ACYP2: variants seen among roughly 807,000 people sequenced by gnomAD.
The protein encoded by ACYP2 is acylphosphatase 2, also known as acylphosphatase-2.
ACYP2 carries 12 observed loss-of-function variants against 11.2 expected under a neutral mutation model. That is an observed-to-expected ratio of 1.08 (90% CI 0.69 to 1.74). The LOEUF is 1.74. ACYP2 is among the 40% of genes most tolerant of loss of function. ACYP2 has a pLI of 0.00. For synonymous variants in ACYP2, 43 were observed against 32.2 expected (o/e 1.33, Z -1.13); for missense variants, 134 against 101.9 (o/e 1.31, Z -1.35).
At chr2:54,056,744 T>C (rs952675410) in intron 3 of ACYP2, among the ~76,000 whole-genome samples, 1 of 152,232 alleles carries the variant, frequency 6.6e-6, no homozygotes, top group African/African-American at 2.4e-5. Context: ...GTATGTCATC[T>C]GTATTTTATT....
At chr2:54,002,561 C>T (rs1022105818) in intron 2 of ACYP2, among the ~76,000 whole-genome samples, 6 of 151,848 alleles carry the variant, frequency 4.0e-5, no homozygotes, top group African/African-American at 1.5e-4. Context: ...CCATGTTGGC[C>T]AGGCTGGTCT....
At chr2:53,982,716 C>G (rs903144319) in intron 2 of ACYP2, among the ~76,000 whole-genome samples, 2 of 152,144 alleles carry the variant, frequency 1.3e-5, no homozygotes, top group African/African-American at 4.8e-5. Flanking sequence ...GAGTGATTGT[C>G]TTAGCATGAG....
chr2:54,101,498 G>A (rs567278369), intron 4 of ACYP2, among the ~76,000 whole-genome samples: 6 of 151,916 alleles, frequency 3.9e-5, no homozygotes, highest in African/African-American at 1.2e-4. Context: ...GTGAAACCCC[G>A]TCTCTACTAA....
chr2:54,295,100 C>T (rs1366823885), intron 6 of ACYP2, among the ~76,000 whole-genome samples: 1 of 152,116 alleles, frequency 6.6e-6, no homozygotes, highest in East Asian at 1.9e-4. Flanking sequence ...GCAGGATGGA[C>T]TTGGCCCTCC....
chr2:54,166,270 A>G (rs75227594), intron 6 of ACYP2, among the ~76,000 whole-genome samples: 1,900 of 152,294 alleles, frequency 0.012, 37 homozygotes, highest in African/African-American at 0.044. Context: ...GCAAGCATTT[A>G]TTCATTCCAC....
At chr2:54,144,629 A>G (rs1434219869) in intron 6 of ACYP2, among the ~76,000 whole-genome samples, 1 of 150,758 alleles carries the variant, frequency 6.6e-6, no homozygotes, top group Admixed American at 6.7e-5. Flanking sequence ...AGCCAAGATC[A>G]TGCCACTGCA....
chr2:54,122,140 C>T (rs1479101426), intron 4 of ACYP2, among the ~76,000 whole-genome samples: 2 of 152,170 alleles, frequency 1.3e-5, no homozygotes, highest in Non-Finnish European at 1.5e-5. Flanking sequence ...AGATCACTTC[C>T]TGCATTCAAA....
chr2:54,256,292 C>T, intron 6 of ACYP2: 1 of 852,868 alleles, frequency 1.2e-6, no homozygotes, highest in Non-Finnish European at 1.8e-6. Context: ...ACCCCTCAGT[C>T]TCGCGACACT....
intron 6 of ACYP2, among the ~76,000 whole-genome samples, chr2:54,239,925 G>T (rs1195227379): frequency 6.6e-6 from 1 of 152,066 alleles, no homozygotes; most frequent in Non-Finnish European, 1.5e-5. Flanking sequence ...ATTCTTCTGA[G>T]AAGTACTTTA....
intron 6 of ACYP2, among the ~76,000 whole-genome samples, chr2:54,156,544 G>T (rs558956645): frequency 1.4e-4 from 22 of 152,326 alleles, no homozygotes; most frequent in African/African-American, 4.3e-4. Context: ...TTAGTGTGCT[G>T]AGGATAATGG....
chr2:53,973,178 G>T (rs558879039), intron 1 of ACYP2, among the ~76,000 whole-genome samples: 2 of 152,308 alleles, frequency 1.3e-5, no homozygotes, highest in African/African-American at 4.8e-5. Flanking sequence ...GGGTTTATTG[G>T]ATAGTTTATT....
intron 2 of ACYP2, among the ~76,000 whole-genome samples, chr2:54,036,401 C>G (rs1674904673): frequency 6.6e-6 from 1 of 152,186 alleles, no homozygotes; most frequent in East Asian, 1.9e-4. Context: ...GCCCAAAGTC[C>G]CTTTTGCCAT....
chr2:54,273,177 A>G (rs904398005), intron 6 of ACYP2, among the ~76,000 whole-genome samples: 3 of 152,244 alleles, frequency 2.0e-5, no homozygotes, highest in Non-Finnish European at 2.9e-5. Context: ...TCCAAACCCA[A>G]TTTTGAACAA....
At chr2:54,146,127 A>G (rs1681869010) in intron 6 of ACYP2, among the ~76,000 whole-genome samples, 1 of 152,230 alleles carries the variant, frequency 6.6e-6, no homozygotes, top group Non-Finnish European at 1.5e-5. Context: ...ATTGACTTAC[A>G]AAATTCTATG....
chr2:54,150,167 C>T (rs912334219), intron 6 of ACYP2, among the ~76,000 whole-genome samples: 3 of 152,214 alleles, frequency 2.0e-5, no homozygotes, highest in Admixed American at 6.5e-5. Flanking sequence ...AGCACAGCCA[C>T]ACCCATTTAT....
intron 4 of ACYP2, among the ~76,000 whole-genome samples, chr2:54,086,167 A>T (rs1403784281): frequency 2.6e-5 from 4 of 151,540 alleles, no homozygotes; most frequent in African/African-American, 7.3e-5. Flanking sequence ...CTGGTCTCAA[A>T]CTCTTGACCT....
chr2:54,162,707 C>G (rs980779736), intron 6 of ACYP2, among the ~76,000 whole-genome samples: 3 of 152,110 alleles, frequency 2.0e-5, no homozygotes, highest in African/African-American at 7.2e-5. Context: ...GGCTCACCCC[C>G]ATAATCCCAG....
intron 6 of ACYP2, among the ~76,000 whole-genome samples, chr2:54,195,688 G>T (rs1684439147): frequency 6.8e-6 from 1 of 147,802 alleles, no homozygotes; most frequent in Non-Finnish European, 1.5e-5. Context: ...TGTCTTTAAA[G>T]CTTTTTCTTA....
intron 4 of ACYP2, among the ~76,000 whole-genome samples, chr2:54,080,943 TA>T (rs1255310268): frequency 3.9e-5 from 6 of 152,190 alleles, no homozygotes; most frequent in Non-Finnish European, 4.4e-5. Context: ...TTCTATAGCT[TA>T]AAAAAACTTT....
Sources: allele counts gnomAD v4.1 joint callset (sites outside exome capture counted in the v4.1 genomes callset), GRCh38; gene constraint gnomAD v4.1.1; transcripts MANE v1.5; gene names NCBI Gene and HGNC (gene_info 2026-07-23, HGNC 2026-07-21).